The following MMP16 variants were observed in gnomAD, a reference collection of about 807,000 sequenced individuals.
The protein encoded by MMP16 is matrix metalloproteinase-16.
Under a neutral mutation model 67.8 loss-of-function variants are expected in MMP16, and 12 were observed. The ratio of observed to expected loss-of-function variants is 0.18; its 90% CI spans 0.11 to 0.29. MMP16 has a LOEUF of 0.29. MMP16 is among the 10% of genes least tolerant of loss of function. MMP16 has a pLI of 1.00. For missense variants in MMP16, 475 were observed against 765.7 expected, an observed-to-expected ratio of 0.62 and a Z score of 4.48; for synonymous variants, 249 against 255.9, an observed-to-expected ratio of 0.97 and a Z score of 0.26.
intron 1 of MMP16, among the ~76,000 whole-genome samples, chr8:88,317,641 A>G (rs989701474): frequency 3.9e-5 from 6 of 152,334 alleles, no homozygotes; most frequent in African/African-American, 1.4e-4. Flanking sequence ...GTGAGAAAGT[A>G]GCCAAAGGAA....
chr8:88,234,953 T>C (rs1257081777), intron 1 of MMP16, among the ~76,000 whole-genome samples: 2 of 152,336 alleles, frequency 1.3e-5, no homozygotes, highest in East Asian at 3.9e-4. Flanking sequence ...AGCGAGGGCT[T>C]CAAAAGGTCC....
chr8:88,209,178 T>A (rs1385807630), intron 1 of MMP16, among the ~76,000 whole-genome samples: 2 of 152,042 alleles, frequency 1.3e-5, no homozygotes, highest in Non-Finnish European at 2.9e-5. Flanking sequence ...TATTTCTGTA[T>A]GAGTGTGCCT....
chr8:88,166,954 T>A (rs1431266640), intron 4 of MMP16, among the ~76,000 whole-genome samples: 2 of 151,854 alleles, frequency 1.3e-5, no homozygotes, highest in Non-Finnish European at 2.9e-5. Flanking sequence ...CCCAGCACTT[T>A]GTGACTCCAA....
chr8:88,245,823 G>A (rs934402230), intron 1 of MMP16, among the ~76,000 whole-genome samples: 4 of 152,138 alleles, frequency 2.6e-5, no homozygotes, highest in African/African-American at 9.7e-5. Context: ...ACATTCCCAA[G>A]GTGCAGAGCA....
intron 1 of MMP16, among the ~76,000 whole-genome samples, chr8:88,274,108 G>C (rs140764160): frequency 3.3e-5 from 5 of 152,236 alleles, no homozygotes; most frequent in Admixed American, 2.6e-4. Flanking sequence ...AGAAGGAGTA[G>C]ACTATTCAGC....
At chr8:88,102,529 G>A (rs151059113) in intron 6 of MMP16, among the ~76,000 whole-genome samples, 2 of 151,746 alleles carry the variant, frequency 1.3e-5, no homozygotes, top group East Asian at 3.9e-4. Flanking sequence ...TGGTTTTTAT[G>A]GTGGCTTCAT....
intron 6 of MMP16, among the ~76,000 whole-genome samples, chr8:88,099,322 A>G (rs957082942): frequency 4.0e-5 from 6 of 151,816 alleles, no homozygotes; most frequent in Non-Finnish European, 4.4e-5. Context: ...TTATTTTTAA[A>G]CTTTACAGTC....
At position 88,041,542 on chromosome 8, in the gene MMP16, A is replaced by C. The variant is rs541234253; in HGVS notation, c.1743T>G (p.Val581=). 6.2e-7 allele frequency: 1 copy of C among 1,614,162 alleles called. No homozygotes were observed. Among genetic ancestry groups the C allele is most frequent in the East Asian group, 2.2e-5 (1 of 44,880 alleles). The change falls in exon 10 of 10, where the codon GTT becomes GTG. Residue 581 remains valine, a synonymous_variant. Coordinates refer to ENST00000286614, the MANE Select transcript of MMP16 (RefSeq NM_005941.5). This position sits in a 1 kb window ranked among gnomAD's most constrained non-coding sequence, Gnocchi z 6.0. ...CILALCLLVL[V]YTVFQFKRKG... ...TCCTCTTGAACTGGAACACAGTGTAAACCAATACAAGGAGGCATAAGGCCA... is the reference window on the plus strand; with the variant it reads ...TCCTCTTGAACTGGAACACAGTGTACACCAATACAAGGAGGCATAAGGCCA...
intron 6 of MMP16, among the ~76,000 whole-genome samples, chr8:88,099,886 T>C (rs1809105594): frequency 6.6e-6 from 1 of 151,958 alleles, no homozygotes; most frequent in Non-Finnish European, 1.5e-5. Context: ...TTCTGATTAG[T>C]TGATTAATGT....
chr8:88,298,703 C>T (rs962533728), intron 1 of MMP16, among the ~76,000 whole-genome samples: 3 of 152,046 alleles, frequency 2.0e-5, no homozygotes, highest in South Asian at 2.1e-4. Context: ...AAAAAGTGAC[C>T]GCAGGAGGTG....
At chr8:88,302,952 G>A (rs1811127828) in intron 1 of MMP16, among the ~76,000 whole-genome samples, 1 of 152,216 alleles carries the variant, frequency 6.6e-6, no homozygotes, top group African/African-American at 2.4e-5. Flanking sequence ...GAAGCGGTGA[G>A]TGATTGTATG....
At chr8:88,244,122 A>G (rs2129907848) in intron 1 of MMP16, among the ~76,000 whole-genome samples, 2 of 152,210 alleles carry the variant, frequency 1.3e-5, no homozygotes, top group African/African-American at 4.8e-5. Context: ...ACAGTTGTTT[A>G]CCATTTTAAT....
intron 1 of MMP16, among the ~76,000 whole-genome samples, chr8:88,217,089 T>A (rs1809606633): frequency 6.6e-6 from 1 of 152,070 alleles, no homozygotes; most frequent in Non-Finnish European, 1.5e-5. Context: ...GTTCTTCCAA[T>A]GTTTTTCTGT....
intron 1 of MMP16, among the ~76,000 whole-genome samples, chr8:88,274,175 T>G (rs1810609359): frequency 6.6e-6 from 1 of 151,600 alleles, no homozygotes; most frequent in Non-Finnish European, 1.5e-5. Flanking sequence ...AATCACTAAA[T>G]TTTTTTTTCA....
At chr8:88,224,263 A>G (rs929486790) in intron 1 of MMP16, among the ~76,000 whole-genome samples, 5 of 152,078 alleles carry the variant, frequency 3.3e-5, no homozygotes, top group African/African-American at 1.2e-4. Context: ...TTTAATCTTA[A>G]TACCTCTTTA....
At chr8:88,217,786 G>T (rs1809617854) in intron 1 of MMP16, among the ~76,000 whole-genome samples, 1 of 151,920 alleles carries the variant, frequency 6.6e-6, no homozygotes, top group Admixed American at 6.6e-5. Flanking sequence ...GAGAAAAATA[G>T]AAATTAACAT....
chr8:88,211,572 C>G (rs1454810070), intron 1 of MMP16, among the ~76,000 whole-genome samples: 1 of 152,092 alleles, frequency 6.6e-6, no homozygotes, highest in African/African-American at 2.4e-5. Flanking sequence ...GAATCTTAAA[C>G]ACAACTTGAA....
At chr8:88,282,653 C>T (rs150587135) in intron 1 of MMP16, among the ~76,000 whole-genome samples, 159 of 152,192 alleles carry the variant, frequency 1.0e-3, no homozygotes, top group African/African-American at 3.5e-3. Context: ...TATTGAATCA[C>T]TATTTTTCTC....
intron 4 of MMP16, among the ~76,000 whole-genome samples, chr8:88,162,683 G>C (rs1292407251): frequency 6.6e-6 from 1 of 151,924 alleles, no homozygotes; most frequent in Non-Finnish European, 1.5e-5. Context: ...TGGATCATTG[G>C]GGCAGATTTG....
Sources: gnomAD v4.1 joint callset for allele counts (sites outside exome capture counted in the v4.1 genomes callset) on GRCh38, gnomAD v4.1.1 for gene constraint, Gnocchi (gnomAD v3.1) non-coding constraint, MANE v1.5 for transcripts, NCBI Gene and HGNC (gene_info 2026-07-23, HGNC 2026-07-21) for gene names.